Variants in DAB1 observed in about 807,000 individuals in gnomAD.
DAB1 encodes disabled homolog 1.
DAB1 carries 15 observed loss-of-function variants against 64.6 expected under a neutral mutation model. The ratio of observed to expected loss-of-function variants is 0.23; its 90% CI spans 0.16 to 0.36. DAB1 has a LOEUF of 0.36. Ranked by LOEUF, DAB1 falls within the 10% of genes least tolerant of loss-of-function variation. DAB1 has a pLI of 1.00. For synonymous variants in DAB1, 235 were observed against 251.9 expected, an observed-to-expected ratio of 0.93 and a Z score of 0.64; for missense variants, 596 against 706.7, an observed-to-expected ratio of 0.84 and a Z score of 1.78.
At chr1:57,731,333 A>G (rs1366363350) in intron 6 of DAB1, among the ~76,000 whole-genome samples, 1 of 152,126 alleles carries the variant, frequency 6.6e-6, no homozygotes, top group Non-Finnish European at 1.5e-5. Flanking sequence ...GGGGTGGGGA[A>G]TTATTGTTTA....
At chr1:58,441,408 T>C (rs1432391105) in intron 3 of DAB1, among the ~76,000 whole-genome samples, 1 of 152,146 alleles carries the variant, frequency 6.6e-6, no homozygotes, top group Non-Finnish European at 1.5e-5. Flanking sequence ...GCTCTTGAGG[T>C]TGTCATTGTT....
chr1:57,789,642 A>G (rs1235589870), intron 6 of DAB1, among the ~76,000 whole-genome samples: 1 of 152,150 alleles, frequency 6.6e-6, no homozygotes, highest in Non-Finnish European at 1.5e-5. Context: ...CACCCTTATG[A>G]CCTAATTACC....
intron 4 of DAB1, among the ~76,000 whole-genome samples, chr1:57,112,584 T>C (rs902738888): frequency 1.3e-5 from 2 of 152,136 alleles, no homozygotes; most frequent in Non-Finnish European, 2.9e-5. Flanking sequence ...CAGTTTCCTG[T>C]AAACTCAAGG....
chr1:57,736,180 T>A (rs75734369), intron 6 of DAB1, among the ~76,000 whole-genome samples: 1,889 of 152,252 alleles, frequency 0.012, 32 homozygotes, highest in African/African-American at 0.044. Flanking sequence ...AGGAACCACA[T>A]AGAACTGATA....
chr1:57,011,915 A>T (rs1447040372), intron 12 of DAB1, among the ~76,000 whole-genome samples: 1 of 152,214 alleles, frequency 6.6e-6, no homozygotes, highest in Admixed American at 6.5e-5. Flanking sequence ...TTGAATAAAG[A>T]GAAAGTGTCT....
chr1:58,458,841 A>G (rs946572484), intron 3 of DAB1, among the ~76,000 whole-genome samples: 1 of 152,142 alleles, frequency 6.6e-6, no homozygotes, highest in South Asian at 2.1e-4. Context: ...AAAAAAAAAA[A>G]ACGGTTTGCA....
chr1:57,292,816 T>C (rs1167566407), intron 1 of DAB1, among the ~76,000 whole-genome samples: 1 of 152,108 alleles, frequency 6.6e-6, no homozygotes, highest in African/African-American at 2.4e-5. Flanking sequence ...ATCAGTCATG[T>C]AAGGGACGGC....
At chr1:57,864,909 T>A (rs558345627) in intron 1 of DAB1, 13 of 152,088 alleles carry the variant, frequency 8.5e-5, no homozygotes, top group Non-Finnish European at 1.5e-4. Flanking sequence ...TATAAAGATA[T>A]CTTTAAAATA....
chr1:57,713,163 T>A (rs1449558713), intron 6 of DAB1, among the ~76,000 whole-genome samples: 1 of 152,172 alleles, frequency 6.6e-6, no homozygotes, highest in African/African-American at 2.4e-5. Flanking sequence ...TATTACTTAC[T>A]CTTCATTTAA....
chr1:57,531,067 C>G (rs188738569), intron 7 of DAB1, among the ~76,000 whole-genome samples: 79 of 152,266 alleles, frequency 5.2e-4, no homozygotes, highest in Admixed American at 8.5e-4. Flanking sequence ...AGCCTCCGAG[C>G]CCAAGCTAAG....
At chr1:58,081,580 T>C (rs1163251591) in intron 5 of DAB1, among the ~76,000 whole-genome samples, 2 of 152,352 alleles carry the variant, frequency 1.3e-5, no homozygotes, top group East Asian at 1.9e-4. Flanking sequence ...ACTGGTTACA[T>C]AGTATCCCCA....
intron 4 of DAB1, among the ~76,000 whole-genome samples, chr1:57,127,515 T>C (rs1262225852): frequency 6.6e-6 from 1 of 152,212 alleles, no homozygotes; most frequent in Non-Finnish European, 1.5e-5. Flanking sequence ...GTATATTATT[T>C]ATGTATGTCT....
At chr1:57,846,250 G>C (rs1396257275) in intron 1 of DAB1, among the ~76,000 whole-genome samples, 1 of 152,012 alleles carries the variant, frequency 6.6e-6, no homozygotes, top group Non-Finnish European at 1.5e-5. Context: ...ACGAGGTCAG[G>C]AGATCGAGAC....
At chr1:58,433,840 G>T (rs1185736746) in intron 3 of DAB1, among the ~76,000 whole-genome samples, 1 of 152,020 alleles carries the variant, frequency 6.6e-6, no homozygotes, top group Non-Finnish European at 1.5e-5. Context: ...GTTGTATTGG[G>T]TATAAATTTT....
chr1:58,388,270 T>C (rs1456161262), intron 3 of DAB1, among the ~76,000 whole-genome samples: 1 of 152,196 alleles, frequency 6.6e-6, no homozygotes. Context: ...CAAGAGACCA[T>C]GTACCTACCT....
At chr1:57,681,412 G>C (rs1041200704) in intron 6 of DAB1, among the ~76,000 whole-genome samples, 1 of 152,120 alleles carries the variant, frequency 6.6e-6, no homozygotes, top group Non-Finnish European at 1.5e-5. Flanking sequence ...TGGGTACTTG[G>C]ACTTCAAGAT....
chr1:58,185,304 G>A (rs1240638821), intron 4 of DAB1, among the ~76,000 whole-genome samples: 1 of 152,162 alleles, frequency 6.6e-6, no homozygotes, highest in Non-Finnish European at 1.5e-5. Flanking sequence ...GGCATCTGAA[G>A]TTTTTAGCTG....
intron 4 of DAB1, among the ~76,000 whole-genome samples, chr1:58,288,944 A>C (rs1661754053): frequency 6.6e-6 from 1 of 152,166 alleles, no homozygotes; most frequent in Non-Finnish European, 1.5e-5. Flanking sequence ...ACTTCATGCA[A>C]GAATACCCTG....
chr1:57,818,000 A>G (rs1021058085), intron 6 of DAB1, among the ~76,000 whole-genome samples: 3 of 152,136 alleles, frequency 2.0e-5, no homozygotes, highest in Admixed American at 1.3e-4. Flanking sequence ...TACTTTGTCT[A>G]TTTATTCACC....
Sources: allele counts gnomAD v4.1 joint callset (sites outside exome capture counted in the v4.1 genomes callset), GRCh38; gene constraint gnomAD v4.1.1; transcripts MANE v1.5; gene names NCBI Gene and HGNC (gene_info 2026-07-23, HGNC 2026-07-21).